PTPRT: variants seen among roughly 807,000 people sequenced by gnomAD.
PTPRT encodes receptor-type tyrosine-protein phosphatase T.
Under a neutral mutation model 176.8 loss-of-function variants are expected in PTPRT, and 56 were observed. The observed-to-expected ratio is 0.32, with a 90% CI of 0.26 to 0.40. The LOEUF is 0.40. Ranked by LOEUF, PTPRT falls within the 10% of genes least tolerant of loss-of-function variation. PTPRT has a pLI of 1.00. For missense variants in PTPRT, 1,540 were observed against 1,908.2 expected (o/e 0.81, Z 3.60); for synonymous variants, 783 against 739.0 (o/e 1.06, Z -0.96).
chr20:43,062,192 A>G (rs1258504934), intron 1 of PTPRT, among the ~76,000 whole-genome samples: 1 of 152,226 alleles, frequency 6.6e-6, no homozygotes, highest in Non-Finnish European at 1.5e-5. Flanking sequence ...CACATTGGTC[A>G]AAACCAAAAC....
At chr20:43,047,906 T>C (rs6016941) in intron 1 of PTPRT, among the ~76,000 whole-genome samples, 116 of 152,216 alleles carry the variant, frequency 7.6e-4, no homozygotes, top group African/African-American at 2.7e-3. Context: ...TAAGTGGAAT[T>C]TGAACTCAGG....
chr20:42,884,004 G>C (rs1434213244), intron 2 of PTPRT, among the ~76,000 whole-genome samples: 1 of 132,582 alleles, frequency 7.5e-6, no homozygotes, highest in East Asian at 2.3e-4. Flanking sequence ...CACACTATAA[G>C]ATCCAGATTT....
At chr20:42,785,797 C>T (rs2077280852) in intron 3 of PTPRT, among the ~76,000 whole-genome samples, 1 of 152,154 alleles carries the variant, frequency 6.6e-6, no homozygotes, top group Non-Finnish European at 1.5e-5. Context: ...GGCTTCCTTC[C>T]TCCTTCCCCT....
At chr20:42,569,081 A>AATATATATATATATGTATATATAT (rs2073104152) in intron 7 of PTPRT, among the ~76,000 whole-genome samples, 3 of 30,802 alleles carry the variant, frequency 9.7e-5, no homozygotes, top group African/African-American at 1.3e-4. Flanking sequence ...AAAAAAAAAA[A>AATATATATATATATGTATATATAT]ATATATATAT....
chr20:42,436,281 C>T (rs2059261506), intron 9 of PTPRT, among the ~76,000 whole-genome samples: 1 of 151,888 alleles, frequency 6.6e-6, no homozygotes. Context: ...TCAAAGATAC[C>T]TTAGAAGAAG....
intron 23 of PTPRT, 38 bp from the exon 24 acceptor site, chr20:42,106,959 G>C: frequency 6.2e-7 from 1 of 1,602,846 alleles, no homozygotes; most frequent in Non-Finnish European, 8.5e-7. Flanking sequence ...GGATCTTCAT[G>C]GGGGGAACCT....
intron 24 of PTPRT, among the ~76,000 whole-genome samples, chr20:42,106,430 A>C (rs1405368931): frequency 6.6e-6 from 1 of 152,200 alleles, no homozygotes; most frequent in Admixed American, 6.5e-5. Flanking sequence ...GTCACTGAAT[A>C]AATGCCAGTC....
rs562669523 is a variant in PTPRT at position 42,193,728 on chromosome 20, C to T, written c.2491+5512G>A. Among the ~76,000 whole-genome samples the T allele has an allele frequency of 2.6e-5, 4 of 152,256 alleles. No individual in the cohort carries two copies. The South Asian group carries it at 8.3e-4, about 32-fold the overall frequency. ...AGTTATCTTCTTCTTTGGGCATTTTCTACTAGAAATCCCAGAGCCAAAGTG... is the reference window on the plus strand; with the variant it reads ...AGTTATCTTCTTCTTTGGGCATTTTTTACTAGAAATCCCAGAGCCAAAGTG... On this transcript the variant is annotated intron_variant, in intron 16 of 30. Transcript: ENST00000373187.
In PTPRT at chr20:43,189,744, G is replaced by A. The variant is rs1311391735; in HGVS notation, c.-11C>T. The A allele has an allele frequency of 2.0e-5, 25 of 1,225,814 alleles. No individual in the cohort carries two copies. The highest frequency in any genetic ancestry group is 3.0e-5 in the South Asian group (1 of 33,672). The allele number at this position is 1,225,814 out of a possible 1,614,324, so 75.9% of individuals were successfully genotyped here. On this transcript the variant is annotated 5_prime_UTR_variant, in exon 1 of 31. Transcript: ENST00000373187. The surrounding 1 kb of genome is among the most constrained non-coding windows in gnomAD (Gnocchi z 5.0). ...GGCGAGGCTCGCCATCCGGGCGGCGGCGGGCAGCTCAGCCCCTTCCCGCGG... is the reference window on the plus strand; with the variant it reads ...GGCGAGGCTCGCCATCCGGGCGGCGACGGGCAGCTCAGCCCCTTCCCGCGG...
intron 8 of PTPRT, among the ~76,000 whole-genome samples, chr20:42,462,316 C>G (rs904905712): frequency 4.6e-5 from 7 of 152,138 alleles, no homozygotes; most frequent in African/African-American, 1.7e-4. Context: ...GCTTTAAAAG[C>G]CAGCTCCAGT....
At chr20:42,674,520 G>C (rs1163460022) in intron 7 of PTPRT, among the ~76,000 whole-genome samples, 1 of 152,118 alleles carries the variant, frequency 6.6e-6, no homozygotes, top group African/African-American at 2.4e-5. Flanking sequence ...CATTTATAAA[G>C]ATCAAAAACC....
chr20:43,185,180 T>C (rs771905022), intron 1 of PTPRT, among the ~76,000 whole-genome samples: 2 of 152,274 alleles, frequency 1.3e-5, no homozygotes, highest in African/African-American at 4.8e-5. Context: ...GTAAGGTGTT[T>C]GCAAATGCTA....
At chr20:42,496,988 G>C (rs2071666142) in intron 7 of PTPRT, among the ~76,000 whole-genome samples, 1 of 152,096 alleles carries the variant, frequency 6.6e-6, no homozygotes, top group South Asian at 2.1e-4. Context: ...TGGGTTCTAG[G>C]GGGCCAGAGG....
intron 7 of PTPRT, among the ~76,000 whole-genome samples, chr20:42,560,288 C>A (rs757860813): frequency 3.3e-5 from 5 of 152,130 alleles, no homozygotes; most frequent in Admixed American, 2.6e-4. Flanking sequence ...AGGAGGATGG[C>A]GAGGTTGGGC....
At chr20:42,258,633 A>T (rs972361518) in intron 13 of PTPRT, among the ~76,000 whole-genome samples, 1 of 152,150 alleles carries the variant, frequency 6.6e-6, no homozygotes, top group Non-Finnish European at 1.5e-5. Flanking sequence ...CTACCTCCCC[A>T]TGCCTCAAAG....
At chr20:42,809,009 G>A (rs572396785) in intron 2 of PTPRT, among the ~76,000 whole-genome samples, 2 of 152,312 alleles carry the variant, frequency 1.3e-5, no homozygotes, top group South Asian at 4.1e-4. Context: ...GAAGGAATCT[G>A]GGAAACGTGG....
At chr20:43,165,243 C>G (rs527241985) in intron 1 of PTPRT, among the ~76,000 whole-genome samples, 1 of 151,884 alleles carries the variant, frequency 6.6e-6, no homozygotes, top group African/African-American at 2.4e-5. Context: ...ACTGCAACCT[C>G]CACCTCCTGG....
At chr20:42,408,550 A>G (rs1404016946) in intron 9 of PTPRT, among the ~76,000 whole-genome samples, 1 of 152,164 alleles carries the variant, frequency 6.6e-6, no homozygotes, top group East Asian at 1.9e-4. Context: ...TGATCACTTC[A>G]AAACAACTAA....
intron 15 of PTPRT, among the ~76,000 whole-genome samples, chr20:42,211,491 T>G (rs2055627793): frequency 6.6e-6 from 1 of 150,620 alleles, no homozygotes; most frequent in African/African-American, 2.4e-5. Flanking sequence ...GCGAAGGACA[T>G]GAACAGACAC....
Sources: gnomAD v4.1 joint callset for allele counts (sites outside exome capture counted in the v4.1 genomes callset) on GRCh38, gnomAD v4.1.1 for gene constraint, Gnocchi (gnomAD v3.1) non-coding constraint, MANE v1.5 for transcripts, NCBI Gene and HGNC (gene_info 2026-07-23, HGNC 2026-07-21) for gene names.